The following ANKHD1 variants were observed in gnomAD, a reference collection of about 807,000 sequenced individuals.
ANKHD1 encodes ankyrin repeat and KH domain-containing protein 1.
Under a neutral mutation model 230.5 loss-of-function variants are expected in ANKHD1, and 31 were observed. The ratio of observed to expected loss-of-function variants is 0.13; its 90% confidence interval spans 0.10 to 0.18. The LOEUF (loss-of-function observed/expected upper bound fraction) is 0.18. Among genes scored for constraint, ANKHD1 ranks in the 10% least tolerant of loss-of-function variants. ANKHD1 has a pLI of 1.00. For synonymous variants in ANKHD1, 1,074 were observed against 1,117.6 expected, an observed-to-expected ratio of 0.96 and a Z score of 0.78; for missense variants, 2,256 against 3,071.3, an observed-to-expected ratio of 0.73 and a Z score of 6.27.
At chr5:140,406,677 AGTGC>A (rs2126836727) in intron 1 of ANKHD1, among the ~76,000 whole-genome samples, 1 of 151,854 alleles carries the variant, frequency 6.6e-6, no homozygotes, top group East Asian at 2.0e-4. Context: ...TGAGATTACA[AGTGC>A]GTGCCACCAT....
In ANKHD1 at chr5:140,416,505, A is replaced by G. The variant is rs576831917; in HGVS notation, c.306+14232A>G. On this transcript the variant is annotated intron_variant, in intron 1 of 33. Transcript: ENST00000360839. Reference sequence around the variant, plus strand: ...TCCTTGTCAAAAATCAATTGACCATATATAAGTGGGTTTACTTTCTTGACT... The same window carrying G: ...TCCTTGTCAAAAATCAATTGACCATGTATAAGTGGGTTTACTTTCTTGACT... Among the ~76,000 whole-genome samples the G allele has an allele frequency of 1.2e-4, 18 of 152,328 alleles. No individual in the cohort carries two copies. The East Asian group carries it at 3.1e-3, about 26-fold the overall frequency.
chr5:140,414,336 T>G (rs1022043799), intron 1 of ANKHD1, among the ~76,000 whole-genome samples: 3 of 152,200 alleles, frequency 2.0e-5, no homozygotes, highest in African/African-American at 7.2e-5. Flanking sequence ...GGGTTCTAAT[T>G]TCTCCATATT....
At chr5:140,518,111 C>T (rs1753128424) in intron 24 of ANKHD1, among the ~76,000 whole-genome samples, 1 of 152,134 alleles carries the variant, frequency 6.6e-6, no homozygotes, top group Non-Finnish European at 1.5e-5. Flanking sequence ...GGGATATCAC[C>T]ACTGATCCTA....
chr5:140,516,183 A>G (rs1752997572), intron 24 of ANKHD1, among the ~76,000 whole-genome samples: 2 of 152,226 alleles, frequency 1.3e-5, no homozygotes, highest in South Asian at 4.1e-4. Context: ...ATCAACTGGA[A>G]GAAAGGGTAT....
At chr5:140,464,632 T>C (rs1561764417) in intron 9 of ANKHD1, 35 bp from the exon 10 acceptor site, 1 of 1,498,518 alleles carries the variant, frequency 6.7e-7, no homozygotes, top group Non-Finnish European at 9.0e-7. Flanking sequence ...AATTTTACAG[T>C]TCACAAAGTA....
At position 140,485,137 on chromosome 5, in the gene ANKHD1, G is replaced by A. The variant is rs1381275811; in HGVS notation, c.1887G>A (p.Arg629=). ...FLISKGANVN[R]ATANNDHTVV... is the part of the protein sequence containing the mutation. ...TCTTCAAAGGTGCCAATGTTAACAG[G>A]GCTACAGCCAATAATGATCATACAG... Residue 629 remains arginine (R), a synonymous_variant, in exon 12 of 34, where the codon AGG becomes AGA. Transcript: ENST00000360839. The surrounding 1 kb of genome is among the most constrained non-coding windows in gnomAD (Gnocchi z 4.8). 3.1e-6 allele frequency: 5 copies of A among 1,611,116 alleles called. No individual in the cohort carries two copies. The highest frequency in any genetic ancestry group is 4.2e-6 in the Non-Finnish European group (5 of 1,177,754).
chr5:140,528,288 C>T lies in ANKHD1; in HGVS notation c.5342C>T (p.Thr1781Ile), dbSNP rs146606575. 1 of 1,613,798 alleles carries T rather than the reference C, an allele frequency of 6.2e-7. No homozygotes were observed. Among genetic ancestry groups the T allele is most frequent in the South Asian group, 1.1e-5 (1 of 91,076 alleles). ...EDLIPKNHIR[T>I]PASTKSIHAN... is the part of the protein sequence containing the mutation. ...TTGATTCCTAAAAATCATATCAGAA[C>T]ACCTGCCAGCACCAAATCAATTCAT... The change falls in exon 29 of 34, where the codon ACA becomes ATA. Residue 1781 changes from threonine to isoleucine, a missense_variant. By Grantham distance (89) the Thr-to-Ile change is moderately conservative (BLOSUM62 -1). Transcript: ENST00000360839.
At chr5:140,476,174 CAATAA>C (rs1750953553) in intron 10 of ANKHD1, among the ~76,000 whole-genome samples, 1 of 150,874 alleles carries the variant, frequency 6.6e-6, no homozygotes, top group African/African-American at 2.4e-5. Flanking sequence ...AGAAATAATA[CAATAA>C]AATATATAAT....
At chr5:140,513,734 G>A (rs533825137) in intron 24 of ANKHD1, among the ~76,000 whole-genome samples, 18 of 151,380 alleles carry the variant, frequency 1.2e-4, no homozygotes, top group African/African-American at 4.4e-4. Context: ...GCTTGAGCCC[G>A]GGAGGCAGAG....
chr5:140,516,142 G>A (rs997507167), intron 24 of ANKHD1, among the ~76,000 whole-genome samples: 1 of 152,170 alleles, frequency 6.6e-6, no homozygotes, highest in Non-Finnish European at 1.5e-5. Flanking sequence ...AGAACTACGT[G>A]AAGAATGCAG....
intron 14 of ANKHD1, among the ~76,000 whole-genome samples, chr5:140,491,156 A>ATTT (rs1339403637): frequency 1.3e-4 from 12 of 94,914 alleles, no homozygotes; most frequent in South Asian, 3.8e-4. Context: ...ATATATATAT[A>ATTT]TATATTTTTT....
At position 140,504,872 on chromosome 5, in the gene ANKHD1, A is replaced by T; in HGVS notation, c.3056A>T (p.Glu1019Val). ...TGSNSSSQTTECLTPESCSQT... is the reference protein window; with the variant it reads ...TGSNSSSQTTVCLTPESCSQT... ...TCCAACAGTTCTTCTCAGACCACAGAGTGTCTTACACCTGAATCCTGTTCG... is the reference window on the plus strand; with the variant it reads ...TCCAACAGTTCTTCTCAGACCACAGTGTGTCTTACACCTGAATCCTGTTCG... The change falls in exon 16 of 34, where the codon GAG (glutamate) becomes GTG (valine). Residue 1019 changes from glutamate to valine, a missense_variant. Glu to Val is a moderately radical substitution (Grantham distance 121, BLOSUM62 -2). Transcript: ENST00000360839. The T allele has an allele frequency of 6.2e-7, 1 of 1,614,202 alleles. No individual in the cohort carries two copies. Among genetic ancestry groups the T allele is most frequent in the Non-Finnish European group, 8.5e-7 (1 of 1,180,030 alleles).
chr5:140,538,151 C>T lies in ANKHD1; in HGVS notation c.7294C>T (p.Pro2432Ser). ...TCCAATGCATCAACAATTATCAGACCCAAGCACATTCTCCCAACATCAGCC... is the reference window on the plus strand; with the variant it reads ...TCCAATGCATCAACAATTATCAGACTCAAGCACATTCTCCCAACATCAGCC... ...NHPMHQQLSD[P>S]STFSQHQPME... The change falls in exon 32 of 34, where the codon CCA becomes TCA. Residue 2432 changes from proline to serine, a missense_variant. Coordinates refer to ENST00000360839, the MANE Select transcript of ANKHD1 (RefSeq NM_017747.3). 1 of 1,614,012 alleles carries T rather than the reference C, an allele frequency of 6.2e-7. No individual in the cohort carries two copies. Among genetic ancestry groups the T allele is most frequent in the Non-Finnish European group, 8.5e-7 (1 of 1,179,984 alleles).
intron 2 of ANKHD1, 86 bp from the exon 3 acceptor site, chr5:140,438,375 G>A (rs1773607049): frequency 1.4e-6 from 2 of 1,430,616 alleles, no homozygotes; most frequent in Admixed American, 2.5e-5. Flanking sequence ...CTAGATAATA[G>A]TGTTTAGAAA....
chr5:140,407,865 A>C (rs1452640246), intron 1 of ANKHD1, among the ~76,000 whole-genome samples: 3 of 152,018 alleles, frequency 2.0e-5, no homozygotes, highest in African/African-American at 7.2e-5. Flanking sequence ...TGTGTGTGTG[A>C]CGGCCCTCTT....
intron 8 of ANKHD1, 34 bp from the exon 9 acceptor site, chr5:140,459,130 G>A (rs199558842): frequency 1.4e-6 from 2 of 1,465,220 alleles, no homozygotes; most frequent in East Asian, 2.4e-5. Flanking sequence ...TAAGTCTCTT[G>A]CAACTAATTT....
intron 29 of ANKHD1, chr5:140,531,303 G>A: frequency 2.3e-6 from 1 of 427,016 alleles, no homozygotes; most frequent in East Asian, 8.9e-5. Flanking sequence ...AATACCGACT[G>A]AGCGTGGTGG....
chr5:140,410,824 A>G (rs1251668696), intron 1 of ANKHD1, among the ~76,000 whole-genome samples: 1 of 152,184 alleles, frequency 6.6e-6, no homozygotes, highest in African/African-American at 2.4e-5. Flanking sequence ...TAATCGTTTC[A>G]TCACCCCTTT....
chr5:140,484,991 C>G (rs1751439967), intron 11 of ANKHD1, 130 bp from the exon 12 acceptor site: 1 of 1,350,974 alleles, frequency 7.4e-7, no homozygotes, highest in East Asian at 2.8e-5. Context: ...AAAATTCAAA[C>G]TATACACTTA....
Sources: allele counts gnomAD v4.1 joint callset (sites outside exome capture counted in the v4.1 genomes callset), GRCh38; gene constraint gnomAD v4.1.1; non-coding constraint Gnocchi (gnomAD v3.1); transcripts MANE v1.5; gene names NCBI Gene and HGNC (gene_info 2026-07-23, HGNC 2026-07-21).